RGS7: variants seen among roughly 807,000 people sequenced by gnomAD.
RGS7 encodes the protein regulator of G protein signaling 7, also known as regulator of G-protein signaling 7.
RGS7 carries 27 observed loss-of-function variants against 81.1 expected under a neutral mutation model. The observed-to-expected ratio is 0.33, with a 90% CI of 0.25 to 0.46. The LOEUF is 0.46. Among genes scored for constraint, RGS7 ranks in the 20% least tolerant of loss-of-function variants. RGS7 has a pLI of 1.00. For synonymous variants in RGS7, 208 were observed against 207.7 expected (o/e 1.00, Z -0.01); for missense variants, 396 against 607.4 (o/e 0.65, Z 3.66).
At chr1:240,823,172 CT>C in intron 10 of RGS7, 1 of 1,110,980 alleles carries the variant, frequency 9.0e-7, no homozygotes, top group Non-Finnish European at 1.4e-6. Flanking sequence ...TAGAAGTCCT[CT>C]TTGAAGGTAT....
chr1:241,196,052 A>G (rs577764105), intron 2 of RGS7, among the ~76,000 whole-genome samples: 1 of 152,268 alleles, frequency 6.6e-6, no homozygotes, highest in African/African-American at 2.4e-5. Context: ...TCATAGTTAA[A>G]TTTCTGAAAA....
intron 2 of RGS7, among the ~76,000 whole-genome samples, chr1:241,251,444 T>C (rs1442589186): frequency 6.6e-6 from 1 of 152,184 alleles, no homozygotes; most frequent in Non-Finnish European, 1.5e-5. Context: ...ACTTGAAGTT[T>C]GCCTGGAGTG....
chr1:241,260,273 T>C (rs1277308260), intron 2 of RGS7, among the ~76,000 whole-genome samples: 1 of 152,240 alleles, frequency 6.6e-6, no homozygotes, highest in Non-Finnish European at 1.5e-5. Context: ...CACTTGAAGA[T>C]AGAGACTGAT....
At chr1:240,937,683 C>T (rs936224316) in intron 4 of RGS7, among the ~76,000 whole-genome samples, 1 of 152,150 alleles carries the variant, frequency 6.6e-6, no homozygotes, top group Non-Finnish European at 1.5e-5. Flanking sequence ...CTTGCATCAC[C>T]TCATTCTCAA....
chr1:241,058,626 T>C (rs900042282), intron 3 of RGS7, among the ~76,000 whole-genome samples: 3 of 152,234 alleles, frequency 2.0e-5, no homozygotes, highest in Non-Finnish European at 4.4e-5. Flanking sequence ...CTTCAACCTA[T>C]AGCAATGTTA....
At chr1:240,817,552 T>C (rs1356331806) in intron 10 of RGS7, among the ~76,000 whole-genome samples, 1 of 138,910 alleles carries the variant, frequency 7.2e-6, no homozygotes, top group African/African-American at 3.4e-5. Context: ...TGACTCTGTA[T>C]CTGCACCTTT....
chr1:240,802,402 T>C (rs1009078719), intron 16 of RGS7, among the ~76,000 whole-genome samples: 3 of 152,154 alleles, frequency 2.0e-5, no homozygotes, highest in Admixed American at 6.6e-5. Context: ...ATCACAGGGA[T>C]ATTAAGTGAT....
intron 6 of RGS7, among the ~76,000 whole-genome samples, chr1:240,881,243 G>A (rs138650997): frequency 0.017 from 2,543 of 151,324 alleles, 30 homozygotes; most frequent in Non-Finnish European, 0.023. Flanking sequence ...GCAAACTATC[G>A]CAAGGTCAGA....
At chr1:240,988,829 C>T (rs1686038897) in intron 3 of RGS7, among the ~76,000 whole-genome samples, 1 of 152,138 alleles carries the variant, frequency 6.6e-6, no homozygotes, top group Admixed American at 6.5e-5. Flanking sequence ...AAAGCGGGTA[C>T]TGAAAAAAGA....
intron 2 of RGS7, among the ~76,000 whole-genome samples, chr1:241,128,764 G>A (rs1235182154): frequency 1.0e-5 from 1 of 97,870 alleles, no homozygotes; most frequent in Admixed American, 1.3e-4. Context: ...ATTTGGACAT[G>A]CAGAATAATA....
chr1:241,083,894 C>T (rs1162382155), intron 3 of RGS7, among the ~76,000 whole-genome samples: 1 of 151,636 alleles, frequency 6.6e-6, no homozygotes, highest in Non-Finnish European at 1.5e-5. Context: ...AAAAAACTCA[C>T]AATTAGTTGT....
At chr1:241,242,349 GATA>G (rs2076306325) in intron 2 of RGS7, among the ~76,000 whole-genome samples, 3 of 149,902 alleles carry the variant, frequency 2.0e-5, no homozygotes, top group Non-Finnish European at 4.5e-5. Flanking sequence ...TAGATAGATA[GATA>G]CAATTTCTTT....
At chr1:241,199,334 T>C (rs1226858230) in intron 2 of RGS7, among the ~76,000 whole-genome samples, 2 of 151,906 alleles carry the variant, frequency 1.3e-5, no homozygotes, top group African/African-American at 4.8e-5. Context: ...GGCATGCCTA[T>C]AGTCTCAGCT....
chr1:241,120,566 G>A (rs528489425), intron 2 of RGS7, among the ~76,000 whole-genome samples: 1 of 152,024 alleles, frequency 6.6e-6, no homozygotes, highest in Non-Finnish European at 1.5e-5. Context: ...AGCTGGTCTC[G>A]AACTCCTGGA....
chr1:241,219,732 G>C (rs537901944), intron 2 of RGS7, among the ~76,000 whole-genome samples: 1 of 152,128 alleles, frequency 6.6e-6, no homozygotes, highest in South Asian at 2.1e-4. Context: ...AAATTTTCAT[G>C]CAGAAGGGGA....
At chr1:241,305,379 G>A (rs763212390) in intron 2 of RGS7, among the ~76,000 whole-genome samples, 22 of 152,100 alleles carry the variant, frequency 1.4e-4, no homozygotes, top group East Asian at 3.9e-4. Flanking sequence ...CATCAGCGAC[G>A]CCACTGTTGC....
At position 240,828,258 on chromosome 1, in the gene RGS7, A is replaced by G. The variant is rs531473704; in HGVS notation, c.610-1086T>C. The stretch of plus-strand genomic sequence containing the variant: ...TTATTGTTCTGTTGTACAGAAACAA[A>G]TAGATGCAAGCTCCTTGTATATTTG... On this transcript the variant is annotated intron_variant, in intron 9 of 18. Coordinates refer to ENST00000440928, the MANE Select transcript of RGS7 (RefSeq NM_001364886.1). Among the ~76,000 whole-genome samples the G allele has an allele frequency of 2.6e-5, 4 of 152,202 alleles. No homozygotes were observed. The East Asian group carries it at 7.7e-4, about 29-fold the overall frequency.
At chr1:240,787,432 G>A (rs987883439) in intron 18 of RGS7, among the ~76,000 whole-genome samples, 6 of 152,158 alleles carry the variant, frequency 3.9e-5, no homozygotes, top group Admixed American at 1.3e-4. Context: ...CTTCGGCTAC[G>A]TAAGGCACGC....
At chr1:241,213,074 G>A (rs1056389864) in intron 2 of RGS7, among the ~76,000 whole-genome samples, 3 of 152,110 alleles carry the variant, frequency 2.0e-5, no homozygotes, top group Non-Finnish European at 4.4e-5. Context: ...CAAACGCAGT[G>A]GGCTCTGCAT....
Sources: gnomAD v4.1 joint callset for allele counts (sites outside exome capture counted in the v4.1 genomes callset) on GRCh38, gnomAD v4.1.1 for gene constraint, MANE v1.5 for transcripts, NCBI Gene and HGNC (gene_info 2026-07-23, HGNC 2026-07-21) for gene names.